The following NUBPL variants were observed in gnomAD, a reference collection of about 807,000 sequenced individuals.
NUBPL encodes iron-sulfur cluster transfer protein NUBPL.
In NUBPL, 31 loss-of-function variants were observed where a neutral mutation model predicts 45.7. The ratio of observed to expected loss-of-function variants is 0.68; its 90% confidence interval spans 0.51 to 0.92. The LOEUF is 0.92. NUBPL is among the 40% of genes least tolerant of loss of function. The probability of loss-of-function intolerance (pLI) is 0.00; values close to 1 mark genes in which losing one functional copy is unlikely to be tolerated. For missense variants in NUBPL, 401 were observed against 398.7 expected, an observed-to-expected ratio of 1.01 and a Z score of -0.05; for synonymous variants, 144 against 140.9, an observed-to-expected ratio of 1.02 and a Z score of -0.15.
chr14:31,773,105 C>T (rs1261945129), intron 6 of NUBPL, among the ~76,000 whole-genome samples: 1 of 151,972 alleles, frequency 6.6e-6, no homozygotes, highest in Non-Finnish European at 1.5e-5. Context: ...AAGTAAAAAT[C>T]TTTTTATTAT....
intron 4 of NUBPL, among the ~76,000 whole-genome samples, chr14:31,644,952 C>T (rs2035803441): frequency 6.6e-6 from 1 of 152,164 alleles, no homozygotes; most frequent in African/African-American, 2.4e-5. Flanking sequence ...TTACCTGATA[C>T]AAATATAGCT....
At chr14:31,716,433 A>G (rs1171237564) in intron 6 of NUBPL, among the ~76,000 whole-genome samples, 2 of 152,164 alleles carry the variant, frequency 1.3e-5, no homozygotes, top group African/African-American at 4.8e-5. Context: ...AACCACACTT[A>G]TGAGTAATTT....
At chr14:31,841,917 C>CTTTTG in intron 8 of NUBPL, among the ~76,000 whole-genome samples, 1,299 of 43,034 alleles carry the variant, frequency 0.03, 148 homozygotes, top group African/African-American at 0.1. Context: ...CGATTCTGGG[C>CTTTTG]TTTTTTTTTT....
chr14:31,681,740 C>G (rs2036839668), intron 6 of NUBPL, among the ~76,000 whole-genome samples: 1 of 151,954 alleles, frequency 6.6e-6, no homozygotes, highest in African/African-American at 2.4e-5. Flanking sequence ...TTGGTGTTTT[C>G]ATTGTCATTC....
intron 10 of NUBPL, among the ~76,000 whole-genome samples, chr14:31,858,750 C>T (rs1039660445): frequency 6.6e-6 from 1 of 152,106 alleles, no homozygotes; most frequent in Non-Finnish European, 1.5e-5. Flanking sequence ...AGCTCTTATG[C>T]TAAAGAAGTT....
At position 31,561,462 on chromosome 14, in the gene NUBPL, T is replaced by A; in HGVS notation, c.23T>A (p.Leu8Gln). The stretch of plus-strand genomic sequence containing the variant: ...GTCATGGGGATTTGGCAGCGTCTGC[T>A]GCTTTTTGGTGGGGTGTCGCTCCGG... The part of the protein sequence containing the change: MGIWQRL[L>Q]LFGGVSLRAG... The change falls in exon 1 of 11, where the codon CTG (leucine) becomes CAG (glutamine). Residue 8 changes from leucine to glutamine, a missense_variant. By Grantham distance (113) the Leu-to-Gln change is moderately radical. Coordinates refer to ENST00000281081, the MANE Select transcript of NUBPL (RefSeq NM_025152.3). 1 of 1,419,776 alleles carries A rather than the reference T, an allele frequency of 7.0e-7. No individual in the cohort carries two copies. Among genetic ancestry groups the A allele is most frequent in the Non-Finnish European group, 9.3e-7 (1 of 1,077,144 alleles). 87.9% of individuals were successfully genotyped at this position (1,419,776 alleles called of 1,614,324 possible). A position where few individuals can be genotyped will look rare whatever the true frequency, so the allele number is the denominator to read the frequency against.
At chr14:31,783,610 T>C (rs11847399) in intron 6 of NUBPL, among the ~76,000 whole-genome samples, 88,792 of 150,794 alleles carry the variant, frequency 0.59, 27,309 homozygotes, top group African/African-American at 0.78. Context: ...CTCTGCCTGT[T>C]GGGTTCAAGA....
At chr14:31,804,847 A>G (rs1353613024) in intron 7 of NUBPL, among the ~76,000 whole-genome samples, 5 of 152,138 alleles carry the variant, frequency 3.3e-5, no homozygotes, top group African/African-American at 1.2e-4. Flanking sequence ...AAGACAACCT[A>G]GCAATACCAT....
At chr14:31,772,017 G>T in intron 6 of NUBPL, 2 of 289,614 alleles carry the variant, frequency 6.9e-6, no homozygotes, top group Non-Finnish European at 1.0e-5. Context: ...CTCTTAGGGG[G>T]CTTCAGAAAG....
chr14:31,820,088 C>T lies in NUBPL; in HGVS notation c.608-6541C>T, dbSNP rs190186685. On this transcript the variant is annotated intron_variant, in intron 7 of 10. Transcript: ENST00000281081. ...CCAGGAGGCGGAGCTTGCAGTGATC[C>T]GAGATCATGCCACTGCACTCCAGCC... Among the ~76,000 whole-genome samples, 495 of 144,094 alleles carry T rather than the reference C, an allele frequency of 3.4e-3. 3 individuals are homozygous for T. Among genetic ancestry groups the T allele is most frequent in the African/African-American group, 0.013 (467 of 35,882 alleles). 94.5% of individuals were successfully genotyped at this position (144,094 alleles called of 152,430 possible). A position where few individuals can be genotyped will look rare whatever the true frequency, so the allele number is the denominator to read the frequency against.
intron 6 of NUBPL, among the ~76,000 whole-genome samples, chr14:31,770,755 C>T (rs1271817819): frequency 6.6e-6 from 1 of 152,098 alleles, no homozygotes; most frequent in Admixed American, 6.6e-5. Context: ...TGGCCCATGC[C>T]CTGGAAAGAC....
chr14:31,826,685 G>C lies in NUBPL; in HGVS notation c.664G>C (p.Ala222Pro), dbSNP rs1222088692. ...DIALMDAHKG[A>P]EMFRRVHVPV... ...CGCATTGATGGATGCACACAAGGGTGCTGAGATGTTTCGCAGAGTCCACGT... is the reference window on the plus strand; with the variant it reads ...CGCATTGATGGATGCACACAAGGGTCCTGAGATGTTTCGCAGAGTCCACGT... The change falls in exon 8 of 11, where the codon GCT becomes CCT. Residue 222 changes from alanine to proline, a missense_variant. Coordinates refer to ENST00000281081, the MANE Select transcript of NUBPL (RefSeq NM_025152.3). 1.2e-6 allele frequency: 2 copies of C among 1,614,010 alleles called. No individual in the cohort carries two copies. The highest frequency in any genetic ancestry group is 1.3e-5 in the African/African-American group (1 of 74,920).
intron 7 of NUBPL, among the ~76,000 whole-genome samples, chr14:31,824,056 G>T (rs187991458): frequency 6.6e-6 from 1 of 152,036 alleles, no homozygotes; most frequent in African/African-American, 2.4e-5. Context: ...TCCCAGCAAC[G>T]TCTAAGGCAT....
rs542051218 is a variant in NUBPL at position 31,595,716 on chromosome 14, G to A, written c.292-3573G>A. On this transcript the variant is annotated intron_variant, in intron 3 of 10. Coordinates refer to ENST00000281081, the MANE Select transcript of NUBPL (RefSeq NM_025152.3). ...AAATAGGAGCCTATTTAAAAATAAC[G>A]GAGTCAATTATGAAAAACAAATGAA... is the stretch of plus-strand genomic sequence containing the variant. Among the ~76,000 whole-genome samples the A allele has an allele frequency of 5.3e-5, 8 of 152,156 alleles. No individual in the cohort carries two copies. In the South Asian group the frequency reaches 6.2e-4, roughly 12 times the overall value.
rs551347655 is a variant in NUBPL at position 31,574,795 on chromosome 14, G to A, written c.291+9747G>A. On this transcript the variant is annotated intron_variant, in intron 3 of 10. Coordinates refer to ENST00000281081, the MANE Select transcript of NUBPL (RefSeq NM_025152.3). ...GGGATTTCACCATCTTGGCCAGGCT[G>A]GTCTTGAACTCCTGACCTCAGGTGA... 4.0e-5 allele frequency among the ~76,000 whole-genome samples: 6 copies of A among 151,378 alleles called. No homozygotes were observed. In the South Asian group the frequency reaches 1.3e-3, roughly 32 times the overall value.
At chr14:31,573,046 G>A (rs2033629531) in intron 3 of NUBPL, among the ~76,000 whole-genome samples, 2 of 152,206 alleles carry the variant, frequency 1.3e-5, no homozygotes, top group South Asian at 4.1e-4. Flanking sequence ...GAGTCAGTGA[G>A]TGGTGAGTGA....
At chr14:31,758,204 C>G (rs571872320) in intron 6 of NUBPL, among the ~76,000 whole-genome samples, 64 of 152,104 alleles carry the variant, frequency 4.2e-4, no homozygotes, top group Non-Finnish European at 7.4e-4. Flanking sequence ...GTTAACTTTG[C>G]AGTACTTCAA....
At chr14:31,726,229 A>G (rs1282384004) in intron 6 of NUBPL, among the ~76,000 whole-genome samples, 3 of 152,318 alleles carry the variant, frequency 2.0e-5, no homozygotes, top group South Asian at 4.1e-4. Context: ...CTTAAGGATT[A>G]TGTCTTATAA....
chr14:31,673,628 C>A, intron 6 of NUBPL, 54 bp downstream of exon 6: 1 of 1,452,466 alleles, frequency 6.9e-7, no homozygotes, highest in Non-Finnish European at 9.7e-7. Flanking sequence ...GTGGTTAATA[C>A]ATTTGCTGAT....
Sources: gnomAD v4.1 joint callset for allele counts (sites outside exome capture counted in the v4.1 genomes callset) on GRCh38, gnomAD v4.1.1 for gene constraint, MANE v1.5 for transcripts, NCBI Gene and HGNC (gene_info 2026-07-23, HGNC 2026-07-21) for gene names.